Variants in SLIT3 observed in about 807,000 individuals in gnomAD.
SLIT3 encodes slit homolog 3 protein.
Under a neutral mutation model 184.0 loss-of-function variants are expected in SLIT3, and 68 were observed. The observed-to-expected ratio is 0.37, with a 90% CI of 0.30 to 0.45. The LOEUF (loss-of-function observed/expected upper bound fraction) is 0.45. Ranked by LOEUF, SLIT3 falls within the 20% of genes least tolerant of loss-of-function variation. SLIT3 has a pLI of 1.00. For synonymous variants in SLIT3, 831 were observed against 828.6 expected, an observed-to-expected ratio of 1.00 and a Z score of -0.05; for missense variants, 1,707 against 2,026.0, an observed-to-expected ratio of 0.84 and a Z score of 3.02.
chr5:168,677,017 G>A (rs1292402200), intron 32 of SLIT3, among the ~76,000 whole-genome samples: 1 of 152,214 alleles, frequency 6.6e-6, no homozygotes, highest in Non-Finnish European at 1.5e-5. Flanking sequence ...GTGGTCACTG[G>A]CTCTTGCCCT....
At chr5:169,284,296 C>T (rs1405462826) in intron 1 of SLIT3, among the ~76,000 whole-genome samples, 1 of 152,270 alleles carries the variant, frequency 6.6e-6, no homozygotes, top group Non-Finnish European at 1.5e-5. Flanking sequence ...TGTACTGTCC[C>T]GGGCAGCTTA....
At chr5:168,940,628 C>G (rs1325887713) in intron 4 of SLIT3, among the ~76,000 whole-genome samples, 2 of 151,970 alleles carry the variant, frequency 1.3e-5, no homozygotes, top group Non-Finnish European at 2.9e-5. Flanking sequence ...ATGATTTAGT[C>G]CCAACTTGGA....
In SLIT3 at chr5:168,716,639, C is replaced by G. The variant is rs367770595; in HGVS notation, c.2484-4285G>C. On this transcript the variant is annotated intron_variant, in intron 23 of 35. Coordinates refer to ENST00000519560, the MANE Select transcript of SLIT3 (RefSeq NM_003062.4). The stretch of plus-strand genomic sequence containing the variant: ...TGAGTCCTGTGACCTGATTCCAGGA[C>G]TGCAGAGGAGACATTGCATCTTGGC... Among the ~76,000 whole-genome samples, 56 of 152,382 alleles carry G rather than the reference C, an allele frequency of 3.7e-4. No homozygotes were observed. The East Asian group carries it at 0.01, about 28-fold the overall frequency.
intron 4 of SLIT3, among the ~76,000 whole-genome samples, chr5:168,885,758 G>A (rs1208017056): frequency 6.6e-6 from 1 of 152,206 alleles, no homozygotes. Context: ...AACCATAGCT[G>A]GAAGCTGGAT....
chr5:168,856,299 T>G (rs73805254), intron 5 of SLIT3, among the ~76,000 whole-genome samples: 2,535 of 152,272 alleles, frequency 0.017, 73 homozygotes, highest in African/African-American at 0.057. Flanking sequence ...CACCCCATTT[T>G]GAGGGTGGTT....
chr5:169,030,028 G>A (rs995617703), intron 4 of SLIT3, among the ~76,000 whole-genome samples: 6 of 152,158 alleles, frequency 3.9e-5, no homozygotes, highest in East Asian at 1.9e-4. Flanking sequence ...TTGGAAAGAG[G>A]GGAGCTACCC....
intron 20 of SLIT3, among the ~76,000 whole-genome samples, chr5:168,743,202 G>T (rs1332205120): frequency 6.6e-6 from 1 of 151,836 alleles, no homozygotes; most frequent in African/African-American, 2.4e-5. Context: ...TGCGTACCTT[G>T]TTTTATTGCA....
chr5:168,784,522 T>C (rs889642183), intron 12 of SLIT3, among the ~76,000 whole-genome samples: 6 of 152,176 alleles, frequency 3.9e-5, no homozygotes, highest in African/African-American at 1.4e-4. Flanking sequence ...CCCTGGAAAC[T>C]TGCTGGGCAT....
intron 4 of SLIT3, among the ~76,000 whole-genome samples, chr5:169,160,110 A>G (rs1479765361): frequency 6.6e-6 from 1 of 152,212 alleles, no homozygotes; most frequent in African/African-American, 2.4e-5. Context: ...AGCCATTACT[A>G]AGGGGTTTTA....
chr5:169,222,320 A>T lies in SLIT3; in HGVS notation c.341+22385T>A, dbSNP rs116427143. Among the ~76,000 whole-genome samples the T allele has an allele frequency of 2.0e-3, 308 of 152,342 alleles. 3 individuals carry two copies. The highest frequency in any genetic ancestry group is 7.0e-3 in the African/African-American group (292 of 41,576). ...GTATCTAACATACATCACCAAAAAA[A>T]TCCATGAAAATACTATGCTGGCTAC... On this transcript the variant is annotated intron_variant, in intron 3 of 35. Transcript: ENST00000519560.
intron 4 of SLIT3, among the ~76,000 whole-genome samples, chr5:169,137,335 C>CACAGAGAGAGAGAGAGAGAGAG (rs368371904): frequency 2.2e-5 from 3 of 138,662 alleles, no homozygotes; most frequent in South Asian, 2.5e-4. Flanking sequence ...CACACACACA[C>CACAGAGAGAGAGAGAGAGAGAG]AGAGAGAGAG....
chr5:168,862,715 C>A (rs1383049173), intron 5 of SLIT3, among the ~76,000 whole-genome samples: 1 of 151,742 alleles, frequency 6.6e-6, no homozygotes, highest in East Asian at 1.9e-4. Flanking sequence ...GCTCTTGTCG[C>A]CCAGGCTGGA....
At chr5:169,187,541 C>A (rs1248625264) in intron 4 of SLIT3, among the ~76,000 whole-genome samples, 1 of 143,274 alleles carries the variant, frequency 7.0e-6, no homozygotes, top group African/African-American at 2.7e-5. Flanking sequence ...TTTTTCTTTT[C>A]TTTTTCTTTC....
At chr5:168,744,799 T>G (rs947520693) in intron 20 of SLIT3, among the ~76,000 whole-genome samples, 2 of 152,240 alleles carry the variant, frequency 1.3e-5, no homozygotes, top group Admixed American at 1.3e-4. Flanking sequence ...ACAATGTACC[T>G]GGTCATCTAA....
At chr5:168,694,499 C>G (rs77252895) in intron 28 of SLIT3, among the ~76,000 whole-genome samples, 13 of 152,334 alleles carry the variant, frequency 8.5e-5, no homozygotes, top group African/African-American at 3.1e-4. Context: ...GTTGCTAATG[C>G]AACTCTTGGC....
At chr5:169,137,335 C>CACACAGAGAGAG (rs368371904) in intron 4 of SLIT3, among the ~76,000 whole-genome samples, 50 of 138,656 alleles carry the variant, frequency 3.6e-4, no homozygotes, top group East Asian at 1.3e-3. Flanking sequence ...CACACACACA[C>CACACAGAGAGAG]AGAGAGAGAG....
chr5:169,252,561 G>C (rs1367235246), intron 1 of SLIT3, among the ~76,000 whole-genome samples: 2 of 152,184 alleles, frequency 1.3e-5, no homozygotes, highest in Admixed American at 1.3e-4. Context: ...TGAATAATAT[G>C]CTACAGTTCT....
intron 2 of SLIT3, 49 bp downstream of exon 2, chr5:169,251,339 G>C: frequency 3.1e-6 from 4 of 1,310,516 alleles, no homozygotes; most frequent in Non-Finnish European, 4.4e-6. Flanking sequence ...TTTTTGTGAG[G>C]CTGAAGAGCT....
At chr5:169,074,535 T>C (rs572397776) in intron 4 of SLIT3, among the ~76,000 whole-genome samples, 1 of 152,192 alleles carries the variant, frequency 6.6e-6, no homozygotes, top group Non-Finnish European at 1.5e-5. Context: ...TCCTATGAAG[T>C]AACCATCAGA....
Sources: allele counts gnomAD v4.1 joint callset (sites outside exome capture counted in the v4.1 genomes callset), GRCh38; gene constraint gnomAD v4.1.1; transcripts MANE v1.5; gene names NCBI Gene and HGNC (gene_info 2026-07-23, HGNC 2026-07-21).